Variants in NRXN3 observed in about 807,000 individuals in gnomAD.
NRXN3 encodes the protein neurexin III.
In NRXN3, 32 loss-of-function variants were observed where a neutral mutation model predicts 137.6. The observed-to-expected ratio is 0.23, with a 90% CI of 0.18 to 0.31. The LOEUF (loss-of-function observed/expected upper bound fraction) is 0.31. NRXN3 is among the 10% of genes least tolerant of loss of function. The pLI is 1.00. For synonymous variants in NRXN3, 798 were observed against 784.5 expected, an observed-to-expected ratio of 1.02 and a Z score of -0.29; for missense variants, 1,574 against 2,062.5, an observed-to-expected ratio of 0.76 and a Z score of 4.59.
Position 78,968,321 on chromosome 14 carries a change from C to T in NRXN3, c.3117C>T (p.Ser1039=), listed in dbSNP as rs372334917. 4.0e-5 allele frequency: 64 copies of T among 1,613,734 alleles called. No homozygotes were observed. Among genetic ancestry groups the T allele is most frequent in the South Asian group, 1.1e-4 (10 of 91,062 alleles). Reference sequence around the variant, plus strand: ...TCATCAATGATGCTCTTCATCGGAGCGGACAGATCGAGCGTGGCTGTGAAG... The same window carrying T: ...TCATCAATGATGCTCTTCATCGGAGTGGACAGATCGAGCGTGGCTGTGAAG... ...PDLINDALHR[S]GQIERGCEGP... is the part of the protein sequence containing the mutation. Residue 1039 remains serine (S), a synonymous_variant, in exon 14 of 21, where the codon AGC becomes AGT. Transcript: ENST00000335750.
chr14:78,677,221 A>T (rs1242113559), intron 6 of NRXN3, among the ~76,000 whole-genome samples: 1 of 152,158 alleles, frequency 6.6e-6, no homozygotes, highest in Non-Finnish European at 1.5e-5. Context: ...TTTAGAAAGG[A>T]TTCACCATTC....
At chr14:78,217,728 C>G (rs1388629068) in intron 1 of NRXN3, among the ~76,000 whole-genome samples, 1 of 152,200 alleles carries the variant, frequency 6.6e-6, no homozygotes, top group Non-Finnish European at 1.5e-5. Flanking sequence ...GCGGTGCGAT[C>G]TTGGCTCACT....
At chr14:79,489,805 T>C (rs2117884) in intron 16 of NRXN3, among the ~76,000 whole-genome samples, 81,641 of 151,660 alleles carry the variant, frequency 0.54, 24,832 homozygotes, top group African/African-American at 0.85. Context: ...TTTGGGAGGC[T>C]GAGATGGGCG....
chr14:79,441,675 C>T (rs766317180), intron 15 of NRXN3, among the ~76,000 whole-genome samples: 1 of 151,796 alleles, frequency 6.6e-6, no homozygotes, highest in Non-Finnish European at 1.5e-5. Context: ...CCACCACACC[C>T]GACCGACAAA....
chr14:79,041,429 G>A (rs551863592), intron 15 of NRXN3, among the ~76,000 whole-genome samples: 7 of 152,266 alleles, frequency 4.6e-5, no homozygotes, highest in South Asian at 4.1e-4. Flanking sequence ...AACCACATCC[G>A]CAGAAAGTGC....
intron 17 of NRXN3, among the ~76,000 whole-genome samples, chr14:79,690,994 C>G (rs754696786): frequency 1.3e-5 from 2 of 151,988 alleles, no homozygotes; most frequent in Non-Finnish European, 2.9e-5. Flanking sequence ...GCAATATAGG[C>G]CTATGAATCA....
chr14:78,365,454 A>G (rs903305573), intron 4 of NRXN3, among the ~76,000 whole-genome samples: 3 of 152,198 alleles, frequency 2.0e-5, no homozygotes, highest in African/African-American at 7.2e-5. Context: ...TCCAGCTGAC[A>G]AATGAAAAAA....
At chr14:79,708,569 G>A (rs539748708) in intron 19 of NRXN3, among the ~76,000 whole-genome samples, 65 of 151,332 alleles carry the variant, frequency 4.3e-4, no homozygotes, top group Non-Finnish European at 7.4e-4. Flanking sequence ...AGCAGCAATC[G>A]TCACTTGCCA....
At chr14:78,938,391 G>A (rs2099346106) in intron 10 of NRXN3, among the ~76,000 whole-genome samples, 1 of 152,150 alleles carries the variant, frequency 6.6e-6, no homozygotes, top group Non-Finnish European at 1.5e-5. Flanking sequence ...TTTACCTGAT[G>A]TTTTTAGTTT....
At chr14:78,849,452 G>C (rs749919) in intron 10 of NRXN3, among the ~76,000 whole-genome samples, 18,098 of 151,954 alleles carry the variant, frequency 0.12, 1,736 homozygotes, top group African/African-American at 0.25. Flanking sequence ...TGGATATTTG[G>C]ACCAGATGAC....
At chr14:79,438,191 C>T (rs940524161) in intron 15 of NRXN3, among the ~76,000 whole-genome samples, 1 of 152,192 alleles carries the variant, frequency 6.6e-6, no homozygotes, top group African/African-American at 2.4e-5. Context: ...CTTGTCTGGA[C>T]TCCCCTTTCC....
At chr14:78,855,900 G>T (rs1471428554) in intron 10 of NRXN3, among the ~76,000 whole-genome samples, 2 of 152,118 alleles carry the variant, frequency 1.3e-5, no homozygotes, top group East Asian at 1.9e-4. Context: ...AGATTTTCCT[G>T]TAAAAATGGA....
At chr14:78,951,595 C>G (rs1011711098) in intron 10 of NRXN3, among the ~76,000 whole-genome samples, 2 of 152,044 alleles carry the variant, frequency 1.3e-5, no homozygotes, top group Non-Finnish European at 1.5e-5. Context: ...GAACTCAACC[C>G]TATCTAAAAT....
intron 4 of NRXN3, among the ~76,000 whole-genome samples, chr14:78,532,375 TTGTG>T (rs56788209): frequency 0.03 from 4,184 of 138,566 alleles, 79 homozygotes; most frequent in Admixed American, 0.058. Flanking sequence ...TGATGATATT[TTGTG>T]TGTGTGTGTG....
intron 8 of NRXN3, among the ~76,000 whole-genome samples, chr14:78,795,781 A>T (rs1280965173): frequency 6.6e-6 from 1 of 152,252 alleles, no homozygotes; most frequent in African/African-American, 2.4e-5. Flanking sequence ...GGTGAAAATT[A>T]TTAAAACATA....
chr14:79,054,512 T>C (rs1436597291), intron 15 of NRXN3, among the ~76,000 whole-genome samples: 1 of 152,142 alleles, frequency 6.6e-6, no homozygotes, highest in African/African-American at 2.4e-5. Context: ...CAAAAATTTG[T>C]GTGAAATCTT....
chr14:78,219,665 GT>G (rs1268690386), intron 1 of NRXN3, among the ~76,000 whole-genome samples: 3 of 152,222 alleles, frequency 2.0e-5, no homozygotes, highest in African/African-American at 7.2e-5. Flanking sequence ...TATCTGGTGA[GT>G]TTTCAAAAAT....
At chr14:78,579,899 A>C (rs2096975904) in intron 4 of NRXN3, among the ~76,000 whole-genome samples, 1 of 152,206 alleles carries the variant, frequency 6.6e-6, no homozygotes. Context: ...CCAGCTCCTC[A>C]CTTAACCTCT....
intron 4 of NRXN3, among the ~76,000 whole-genome samples, chr14:78,482,977 C>A (rs190179392): frequency 6.6e-6 from 1 of 152,146 alleles, no homozygotes; most frequent in South Asian, 2.1e-4. Flanking sequence ...TAGTACCCAT[C>A]TTCCTGTCTC....
Sources: gnomAD v4.1 joint callset for allele counts (sites outside exome capture counted in the v4.1 genomes callset) on GRCh38, gnomAD v4.1.1 for gene constraint, MANE v1.5 for transcripts, NCBI Gene and HGNC (gene_info 2026-07-23, HGNC 2026-07-21) for gene names.